Variants in PLAAT4 observed in about 807,000 individuals in gnomAD.
The protein encoded by PLAAT4 is phospholipase A and acyltransferase 4.
PLAAT4 carries 12 observed loss-of-function variants against 14.1 expected under a neutral mutation model. The ratio of observed to expected loss-of-function variants is 0.85; its 90% CI spans 0.54 to 1.37. PLAAT4 has a LOEUF of 1.37. Among genes scored for constraint, PLAAT4 ranks in the 40% most tolerant of loss-of-function variants. The probability of loss-of-function intolerance (pLI) is 0.00; values close to 1 mark genes in which losing one functional copy is unlikely to be tolerated. For synonymous variants in PLAAT4, 77 were observed against 79.8 expected (o/e 0.96, Z 0.19); for missense variants, 163 against 211.7 (o/e 0.77, Z 1.43).
intron 1 of PLAAT4, 50 bp downstream of exon 1, chr11:63,536,927 TC>T: frequency 6.3e-7 from 1 of 1,595,728 alleles, no homozygotes. Context: ...GTTGGGCAGC[TC>T]CCCCTAGGAA....
intron 1 of PLAAT4, among the ~76,000 whole-genome samples, chr11:63,537,448 A>G (rs1206303214): frequency 1.3e-5 from 2 of 152,214 alleles, no homozygotes; most frequent in East Asian, 3.9e-4. Context: ...GTGACTAAAA[A>G]GGAACAGCGG....
intron 2 of PLAAT4, among the ~76,000 whole-genome samples, chr11:63,542,947 G>T (rs1049792469): frequency 9.9e-5 from 15 of 152,156 alleles, no homozygotes; most frequent in African/African-American, 1.2e-4. Context: ...ACCTGATAAT[G>T]AATTTTATTA....
chr11:63,541,412 G>A (rs974157848), intron 2 of PLAAT4, among the ~76,000 whole-genome samples: 15 of 151,988 alleles, frequency 9.9e-5, no homozygotes, highest in African/African-American at 3.6e-4. Flanking sequence ...GGATAGTCTC[G>A]ATCTCCTGAC....
chr11:63,543,670 G>A (rs1314530476), intron 2 of PLAAT4, among the ~76,000 whole-genome samples: 1 of 152,220 alleles, frequency 6.6e-6, no homozygotes, highest in Admixed American at 6.5e-5. Context: ...CGGGGCAAAA[G>A]AGGTAACACA....
In PLAAT4 at chr11:63,538,833, C is replaced by A. The variant is rs943065373; in HGVS notation, c.10-683C>A. 2.6e-5 allele frequency among the ~76,000 whole-genome samples: 4 copies of A among 152,144 alleles called. No homozygotes were observed. In the South Asian group the frequency reaches 8.3e-4, roughly 31 times the overall value. ...CTGTGCAATGGGATGATCATGCCTT[C>A]CCCTGGGGCTGTGGAGATGGTGCAG... On this transcript the variant is annotated intron_variant, in intron 1 of 3. Coordinates refer to ENST00000255688, the MANE Select transcript of PLAAT4 (RefSeq NM_004585.5).
chr11:63,536,959 G>T, intron 1 of PLAAT4, 82 bp downstream of exon 1: 1 of 1,508,434 alleles, frequency 6.6e-7, no homozygotes, highest in Non-Finnish European at 9.0e-7. Flanking sequence ...CCAGGCTCCT[G>T]GCCTTGGGCA....
chr11:63,544,458 C>T (rs1437275102), intron 2 of PLAAT4, 163 bp from the exon 3 acceptor site: 1 of 882,304 alleles, frequency 1.1e-6, no homozygotes, highest in Non-Finnish European at 1.7e-6. Flanking sequence ...CCAGCCTGGG[C>T]AACAGAGTGA....
chr11:63,544,229 T>C (rs977032334), intron 2 of PLAAT4, among the ~76,000 whole-genome samples: 4 of 152,182 alleles, frequency 2.6e-5, no homozygotes, highest in African/African-American at 9.7e-5. Context: ...GTGATGTACA[T>C]GCATAGCATG....
chr11:63,539,554 T>A lies in PLAAT4; in HGVS notation c.48T>A (p.Ile16=), dbSNP rs2017304284. The change falls in exon 2 of 4, where the codon ATT becomes ATA. Residue 16 remains isoleucine, a synonymous_variant. Transcript: ENST00000255688. The part of the protein sequence containing the change: ...QEPKPGDLIE[I]FRLGYEHWAL... Reference sequence around the variant, plus strand: ...CCAAACCTGGAGACCTGATTGAGATTTTCCGCCTTGGCTATGAGCACTGGG... The same window carrying A: ...CCAAACCTGGAGACCTGATTGAGATATTCCGCCTTGGCTATGAGCACTGGG... 2 of 1,614,130 alleles carry A rather than the reference T, an allele frequency of 1.2e-6. No individual in the cohort carries two copies. The highest frequency in any genetic ancestry group is 1.3e-5 in the African/African-American group (1 of 75,050).
At chr11:63,544,959 G>A (rs557058312) in intron 3 of PLAAT4, 70 bp downstream of exon 3, 215 of 1,603,038 alleles carry the variant, frequency 1.3e-4, no homozygotes, top group Non-Finnish European at 1.7e-4. Context: ...GCAGCCAGGC[G>A]ATCACTGTGA....
chr11:63,540,889 G>A (rs1315499173), intron 2 of PLAAT4, among the ~76,000 whole-genome samples: 1 of 152,130 alleles, frequency 6.6e-6, no homozygotes, highest in African/African-American at 2.4e-5. Context: ...AATTAGGTAG[G>A]TGCAGGCAAG....
chr11:63,539,661 G>T (rs190671550), intron 2 of PLAAT4, 37 bp downstream of exon 2: 15 of 1,524,782 alleles, frequency 9.8e-6, no homozygotes, highest in Non-Finnish European at 1.3e-5. Context: ...CAAAATATTT[G>T]TTAAAAGGAT....
At chr11:63,545,159 A>G in intron 3 of PLAAT4, 1 of 595,608 alleles carries the variant, frequency 1.7e-6, no homozygotes, top group Non-Finnish European at 3.0e-6. Flanking sequence ...CTATCCTGAA[A>G]ATGGCTCCTG....
rs1042437451 is a variant in PLAAT4 at position 63,539,516 on chromosome 11, C to T, written c.10C>T (p.Pro4Ser). The change falls in exon 2 of 4, where the codon CCA becomes TCA. Residue 4 changes from proline (P) to serine (S), a missense_variant and splice_region_variant. Coordinates refer to ENST00000255688, the MANE Select transcript of PLAAT4 (RefSeq NM_004585.5). ...TCCATCTCTGGCTTTTCTGTTGCAG[C>T]CACACCAAGAGCCCAAACCTGGAGA... MASPHQEPKPGDLI... is the reference protein window; with the variant it reads MASSHQEPKPGDLI... The T allele has an allele frequency of 3.7e-6, 6 of 1,613,470 alleles. No individual in the cohort carries two copies. The highest frequency in any genetic ancestry group is 5.1e-6 in the Non-Finnish European group (6 of 1,179,476).
chr11:63,545,482 C>T lies in PLAAT4; in HGVS notation c.387+593C>T, dbSNP rs148727686. 9.2e-3 allele frequency: 1,535 copies of T among 166,178 alleles called. 27 individuals carry two copies. Among genetic ancestry groups the T allele is most frequent in the African/African-American group, 0.035 (1,469 of 41,860 alleles). The allele number at this position is 166,178 out of a possible 1,614,324, so 10.3% of individuals were successfully genotyped here. A position where few individuals can be genotyped will look rare whatever the true frequency, so the allele number is the denominator to read the frequency against. On this transcript the variant is annotated intron_variant, in intron 3 of 3. Transcript: ENST00000255688. ...CCTGCGTGACTGAATGGTTGGGGGCCCTTGATGAGAGAGGGATGGTGGCAG... is the reference window on the plus strand; with the variant it reads ...CCTGCGTGACTGAATGGTTGGGGGCTCTTGATGAGAGAGGGATGGTGGCAG...
At chr11:63,537,181 T>A (rs2017277586) in intron 1 of PLAAT4, among the ~76,000 whole-genome samples, 1 of 151,826 alleles carries the variant, frequency 6.6e-6, no homozygotes, top group African/African-American at 2.4e-5. Context: ...GAAGCCAGAG[T>A]GTGGGCAGGT....
intron 2 of PLAAT4, among the ~76,000 whole-genome samples, chr11:63,539,838 G>A (rs879208214): frequency 6.6e-6 from 1 of 152,182 alleles, no homozygotes; most frequent in Admixed American, 6.5e-5. Context: ...GCACACACCT[G>A]TAATCCCAGC....
At chr11:63,540,747 A>G (rs2017315167) in intron 2 of PLAAT4, among the ~76,000 whole-genome samples, 1 of 152,122 alleles carries the variant, frequency 6.6e-6, no homozygotes, top group African/African-American at 2.4e-5. Flanking sequence ...AATTGCTTGA[A>G]CCTGGGAGAC....
chr11:63,540,831 C>T (rs185681871), intron 2 of PLAAT4, among the ~76,000 whole-genome samples: 32 of 152,242 alleles, frequency 2.1e-4, no homozygotes, highest in African/African-American at 6.5e-4. Flanking sequence ...AAGACATTGT[C>T]TCAAAAAACA....
Sources: allele counts gnomAD v4.1 joint callset (sites outside exome capture counted in the v4.1 genomes callset), GRCh38; gene constraint gnomAD v4.1.1; transcripts MANE v1.5; gene names NCBI Gene and HGNC (gene_info 2026-07-23, HGNC 2026-07-21).